The following EYA2 variants were observed in gnomAD, a reference collection of about 807,000 sequenced individuals.
EYA2 encodes the protein protein phosphatase EYA2.
EYA2 carries 31 observed loss-of-function variants against 69.2 expected under a neutral mutation model. That is an observed-to-expected ratio of 0.45 (90% CI 0.34 to 0.60). EYA2 has a LOEUF of 0.60. Ranked by LOEUF, EYA2 falls within the 20% of genes least tolerant of loss-of-function variation. The pLI is 0.02. For missense variants in EYA2, 622 were observed against 701.2 expected (o/e 0.89, Z 1.28); for synonymous variants, 257 against 279.4 (o/e 0.92, Z 0.80).
intron 5 of EYA2, among the ~76,000 whole-genome samples, chr20:47,046,105 A>G (rs1197540365): frequency 6.6e-6 from 1 of 152,210 alleles, no homozygotes; most frequent in Non-Finnish European, 1.5e-5. Context: ...GGTCAGGTTC[A>G]GGTGGGGACT....
intron 9 of EYA2, among the ~76,000 whole-genome samples, chr20:47,120,890 G>A (rs898231459): frequency 6.6e-6 from 1 of 152,094 alleles, no homozygotes; most frequent in Non-Finnish European, 1.5e-5. Context: ...ATCTGGTTTT[G>A]GTGTCCAGAT....
At chr20:47,167,711 C>T (rs1200910065) in intron 10 of EYA2, among the ~76,000 whole-genome samples, 3 of 152,156 alleles carry the variant, frequency 2.0e-5, no homozygotes, top group Non-Finnish European at 4.4e-5. Flanking sequence ...AGATCACTGT[C>T]TCTCTTACAG....
intron 1 of EYA2, among the ~76,000 whole-genome samples, chr20:46,982,370 C>T (rs887604048): frequency 1.3e-5 from 2 of 152,160 alleles, no homozygotes; most frequent in Admixed American, 6.5e-5. Flanking sequence ...CCTCTGACTG[C>T]TTTTAAGATT....
intron 5 of EYA2, among the ~76,000 whole-genome samples, chr20:47,050,274 T>G (rs191628884): frequency 1.3e-5 from 2 of 152,334 alleles, no homozygotes; most frequent in East Asian, 3.9e-4. Flanking sequence ...TTTAAATGCT[T>G]TCTGTATGTA....
At chr20:47,185,325 G>A in intron 15 of EYA2, among the ~76,000 whole-genome samples, 2 of 83,186 alleles carry the variant, frequency 2.4e-5, no homozygotes, top group African/African-American at 4.4e-5. Context: ...TTTTGAGACA[G>A]AATCTCACTG....
chr20:47,027,283 T>C (rs762944813), intron 5 of EYA2, among the ~76,000 whole-genome samples: 1 of 152,236 alleles, frequency 6.6e-6, no homozygotes, highest in Non-Finnish European at 1.5e-5. Flanking sequence ...TTGAGCAGTC[T>C]AAATCTTCCT....
intron 9 of EYA2, among the ~76,000 whole-genome samples, chr20:47,120,079 A>G (rs6094598): frequency 0.68 from 102,773 of 152,098 alleles, 35,166 homozygotes; most frequent in East Asian, 0.75. Context: ...ATGGTGGCAC[A>G]CACCTGTAGA....
intron 5 of EYA2, among the ~76,000 whole-genome samples, chr20:47,031,364 T>C (rs143531232): frequency 1.3e-5 from 2 of 152,292 alleles, no homozygotes; most frequent in African/African-American, 4.8e-5. Context: ...GCAGGTGATC[T>C]GGTTTGCATC....
At chr20:47,087,117 G>A (rs1249178904) in intron 7 of EYA2, among the ~76,000 whole-genome samples, 1 of 152,156 alleles carries the variant, frequency 6.6e-6, no homozygotes, top group African/African-American at 2.4e-5. Context: ...AAAACACCCA[G>A]CCATCCTGAC....
chr20:47,184,983 G>A (rs762575783), intron 15 of EYA2, among the ~76,000 whole-genome samples: 7 of 152,188 alleles, frequency 4.6e-5, no homozygotes, highest in Admixed American at 6.5e-5. Context: ...GCCTCAGAAC[G>A]TTAGTGAGAA....
intron 5 of EYA2, among the ~76,000 whole-genome samples, chr20:47,041,944 A>G (rs1251108367): frequency 1.3e-5 from 2 of 152,168 alleles, no homozygotes; most frequent in Admixed American, 6.5e-5. Flanking sequence ...TTTGCCATAA[A>G]TGGAAGGTTT....
chr20:46,915,753 C>T lies in EYA2; in HGVS notation c.-11+20766C>T, dbSNP rs1984875169. 3.3e-5 allele frequency among the ~76,000 whole-genome samples: 5 copies of T among 152,180 alleles called. No homozygotes were observed. The South Asian group carries it at 1.0e-3, about 32-fold the overall frequency. ...TGGGAGATCTGCCAAATGAGCTGTGCATTCCTGCATGGTGACAATTGAGGG... is the reference window on the plus strand; with the variant it reads ...TGGGAGATCTGCCAAATGAGCTGTGTATTCCTGCATGGTGACAATTGAGGG... On this transcript the variant is annotated intron_variant, in intron 1 of 15. Transcript: ENST00000327619.
At chr20:47,040,842 G>A (rs79449231) in intron 5 of EYA2, among the ~76,000 whole-genome samples, 5,248 of 152,230 alleles carry the variant, frequency 0.034, 303 homozygotes, top group African/African-American at 0.12. Flanking sequence ...TGGGGGTTAG[G>A]GGGGAGGTTA....
chr20:47,066,462 A>G (rs1048730575), intron 5 of EYA2, among the ~76,000 whole-genome samples: 1 of 152,218 alleles, frequency 6.6e-6, no homozygotes, highest in African/African-American at 2.4e-5. Context: ...AATGTCTTCA[A>G]CAAGAAAGAA....
chr20:47,045,079 G>A (rs1045257817), intron 5 of EYA2, among the ~76,000 whole-genome samples: 6 of 152,174 alleles, frequency 3.9e-5, no homozygotes, highest in African/African-American at 1.4e-4. Context: ...CCAAAATGCA[G>A]TGGCTTAAAA....
intron 3 of EYA2, among the ~76,000 whole-genome samples, chr20:47,002,027 G>A (rs1982414641): frequency 6.6e-6 from 1 of 151,266 alleles, no homozygotes; most frequent in Non-Finnish European, 1.5e-5. Context: ...TGCCTCCCAG[G>A]TTCAAGTAAT....
intron 10 of EYA2, among the ~76,000 whole-genome samples, chr20:47,165,624 G>A (rs1043442724): frequency 3.3e-5 from 5 of 152,336 alleles, no homozygotes; most frequent in African/African-American, 4.8e-5. Flanking sequence ...ATGCAGAGGC[G>A]AGAACGGCAG....
At chr20:47,117,294 G>A in intron 9 of EYA2, 1 of 871,436 alleles carries the variant, frequency 1.1e-6, no homozygotes, top group Non-Finnish European at 1.4e-6. Context: ...ACAGGCATGA[G>A]CCACCGCACC....
chr20:46,920,332 C>T lies in EYA2; in HGVS notation c.-11+25345C>T, dbSNP rs60990166. 8.0e-3 allele frequency among the ~76,000 whole-genome samples: 1,217 copies of T among 151,978 alleles called. 21 individuals carry two copies. The highest frequency in any genetic ancestry group is 0.027 in the African/African-American group (1,126 of 41,484). On this transcript the variant is annotated intron_variant, in intron 1 of 15. Coordinates refer to ENST00000327619, the MANE Select transcript of EYA2 (RefSeq NM_005244.5). ...TTGCGGTGATCTGGAACCAAGCCCA[C>T]GATATCTCCAAGGTGTGCCCGTATA...
Sources: allele counts gnomAD v4.1 joint callset (sites outside exome capture counted in the v4.1 genomes callset), GRCh38; gene constraint gnomAD v4.1.1; transcripts MANE v1.5; gene names NCBI Gene and HGNC (gene_info 2026-07-23, HGNC 2026-07-21).